Variants in SNX24 observed in about 807,000 individuals in gnomAD.
SNX24 encodes sorting nexin-24.
SNX24 carries 22 observed loss-of-function variants against 28.7 expected under a neutral mutation model. The ratio of observed to expected loss-of-function variants is 0.77; its 90% confidence interval spans 0.55 to 1.10. The LOEUF (loss-of-function observed/expected upper bound fraction) is 1.10, where lower values mean the gene tolerates loss of function less well. Among genes scored for constraint, SNX24 ranks in the 50% least tolerant of loss-of-function variants. The probability of loss-of-function intolerance (pLI) is 0.00; values close to 1 mark genes in which losing one functional copy is unlikely to be tolerated. For synonymous variants in SNX24, 69 were observed against 71.5 expected (o/e 0.96, Z 0.18); for missense variants, 221 against 201.1 (o/e 1.10, Z -0.60).
intron 1 of SNX24, among the ~76,000 whole-genome samples, chr5:122,882,156 G>T (rs1489672527): frequency 6.6e-6 from 1 of 151,996 alleles, no homozygotes; most frequent in East Asian, 1.9e-4. Context: ...TGACTCTGTT[G>T]CCCAGGCTGG....
intron 1 of SNX24, among the ~76,000 whole-genome samples, chr5:122,933,295 G>A (rs1236932141): frequency 6.6e-6 from 1 of 152,210 alleles, no homozygotes; most frequent in African/African-American, 2.4e-5. Context: ...TTGCATGTGA[G>A]CTCTGAGCCC....
At chr5:123,009,792 A>T (rs2150182916), downstream of SNX24, among the ~76,000 whole-genome samples, 1 of 152,346 alleles carries the variant, frequency 6.6e-6, no homozygotes, top group Middle Eastern at 3.4e-3. Context: ...CACTCCTGGT[A>T]GGTGTCCAAG....
At chr5:122,982,520 C>T (rs918270810) in intron 3 of SNX24, among the ~76,000 whole-genome samples, 3 of 152,114 alleles carry the variant, frequency 2.0e-5, no homozygotes, top group Admixed American at 1.3e-4. Context: ...ATAGGGCATG[C>T]TGTCAACAAA....
intron 3 of SNX24, among the ~76,000 whole-genome samples, chr5:122,990,533 G>A (rs1761796541): frequency 6.6e-6 from 1 of 152,100 alleles, no homozygotes; most frequent in Admixed American, 6.5e-5. Flanking sequence ...GGTAGTTGGG[G>A]GAATGTTTAA....
chr5:122,918,381 T>C (rs1162300370), intron 1 of SNX24, among the ~76,000 whole-genome samples: 1 of 152,236 alleles, frequency 6.6e-6, no homozygotes, highest in African/African-American at 2.4e-5. Context: ...AAGGCCAAAT[T>C]ATATAATTTG....
chr5:122,988,917 T>C (rs999108341), intron 3 of SNX24, among the ~76,000 whole-genome samples: 1 of 152,232 alleles, frequency 6.6e-6, no homozygotes. Flanking sequence ...TTATTTGTGT[T>C]ATGGACTTTT....
At chr5:122,977,603 A>C (rs547837388) in intron 3 of SNX24, among the ~76,000 whole-genome samples, 3 of 152,308 alleles carry the variant, frequency 2.0e-5, no homozygotes, top group African/African-American at 7.2e-5. Flanking sequence ...CGGTGCATGC[A>C]CTGGAAATTT....
At chr5:122,978,241 C>T (rs2150154024) in intron 3 of SNX24, among the ~76,000 whole-genome samples, 1 of 152,110 alleles carries the variant, frequency 6.6e-6, no homozygotes, top group South Asian at 2.1e-4. Flanking sequence ...TTTAGTAGAC[C>T]AGGGTAAAGA....
chr5:122,988,061 GC>G (rs1761679360), intron 3 of SNX24, among the ~76,000 whole-genome samples: 1 of 152,164 alleles, frequency 6.6e-6, no homozygotes. Flanking sequence ...GTACTTCCCT[GC>G]CCCCCTTTCC....
At chr5:122,995,508 G>A (rs899639494) in intron 3 of SNX24, among the ~76,000 whole-genome samples, 1 of 152,008 alleles carries the variant, frequency 6.6e-6, no homozygotes, top group African/African-American at 2.4e-5. Flanking sequence ...CCTTAAGTGG[G>A]GTGAGAGAAC....
chr5:122,951,928 T>A (rs1381239276), intron 3 of SNX24, among the ~76,000 whole-genome samples: 3 of 152,190 alleles, frequency 2.0e-5, no homozygotes, highest in Non-Finnish European at 4.4e-5. Context: ...GGGCACAGGT[T>A]GAGTGTTCCT....
chr5:122,887,262 A>G (rs981103956), intron 1 of SNX24, among the ~76,000 whole-genome samples: 29 of 152,170 alleles, frequency 1.9e-4, no homozygotes, highest in African/African-American at 6.0e-4. Flanking sequence ...TTACTTGATT[A>G]TTTTTGGCAT....
At chr5:122,953,893 T>G (rs938624928) in intron 3 of SNX24, among the ~76,000 whole-genome samples, 2 of 152,210 alleles carry the variant, frequency 1.3e-5, no homozygotes, top group African/African-American at 4.8e-5. Flanking sequence ...ATACAAATCC[T>G]TTTTTAAACA....
At chr5:122,929,802 G>A (rs1434759154) in intron 1 of SNX24, among the ~76,000 whole-genome samples, 1 of 151,726 alleles carries the variant, frequency 6.6e-6, no homozygotes, top group Non-Finnish European at 1.5e-5. Flanking sequence ...AGATCGCAAA[G>A]CTACATTTTA....
At chr5:122,922,558 C>CT (rs529430513) in intron 1 of SNX24, among the ~76,000 whole-genome samples, 1,509 of 146,848 alleles carry the variant, frequency 0.01, 25 homozygotes, top group African/African-American at 0.035. Flanking sequence ...TGGCATTGGT[C>CT]TTTTTTTTTT....
At chr5:122,855,120 G>A (rs1461172687) in intron 1 of SNX24, among the ~76,000 whole-genome samples, 1 of 151,408 alleles carries the variant, frequency 6.6e-6, no homozygotes, top group African/African-American at 2.4e-5. Flanking sequence ...TGCTCAGGCT[G>A]GAGTGCAGTG....
chr5:122,881,670 C>T (rs1170544037), intron 1 of SNX24, among the ~76,000 whole-genome samples: 2 of 151,804 alleles, frequency 1.3e-5, no homozygotes, highest in African/African-American at 2.4e-5. Context: ...ATTATAATTA[C>T]ATCATATGGT....
chr5:122,971,360 T>G (rs976860107), intron 3 of SNX24, among the ~76,000 whole-genome samples: 1 of 152,122 alleles, frequency 6.6e-6, no homozygotes, highest in African/African-American at 2.4e-5. Context: ...ACTCAAATGT[T>G]AATCTCCTTT....
At chr5:122,972,254 G>A (rs1454862080) in intron 3 of SNX24, among the ~76,000 whole-genome samples, 1 of 152,208 alleles carries the variant, frequency 6.6e-6, no homozygotes, top group Non-Finnish European at 1.5e-5. Flanking sequence ...GACACCTTTA[G>A]GTTAGCAGAA....
Sources: gnomAD v4.1 joint callset for allele counts (sites outside exome capture counted in the v4.1 genomes callset) on GRCh38, gnomAD v4.1.1 for gene constraint, MANE v1.5 for transcripts, NCBI Gene and HGNC (gene_info 2026-07-23, HGNC 2026-07-21) for gene names.